SNTG2: variants seen among roughly 807,000 people sequenced by gnomAD.
SNTG2 encodes syntrophin gamma 2.
Under a neutral mutation model 70.9 loss-of-function variants are expected in SNTG2, and 74 were observed. The ratio of observed to expected loss-of-function variants is 1.04; its 90% confidence interval spans 0.86 to 1.27. The LOEUF is 1.27. SNTG2 is among the 50% of genes most tolerant of loss of function. The pLI is 0.00. For synonymous variants in SNTG2, 278 were observed against 273.8 expected, an observed-to-expected ratio of 1.02 and a Z score of -0.15; for missense variants, 717 against 690.7, an observed-to-expected ratio of 1.04 and a Z score of -0.43.
intron 1 of SNTG2, among the ~76,000 whole-genome samples, chr2:1,056,331 G>A (rs1368122598): frequency 1.1e-5 from 1 of 87,228 alleles, no homozygotes; most frequent in Non-Finnish European, 2.5e-5. Context: ...CGTGCTGTGG[G>A]GAGGGAGGGA....
At chr2:1,023,121 T>A (rs1293778741) in intron 1 of SNTG2, among the ~76,000 whole-genome samples, 1 of 151,868 alleles carries the variant, frequency 6.6e-6, no homozygotes, top group Non-Finnish European at 1.5e-5. Flanking sequence ...TTTAACCCAC[T>A]ATCAGTAGAT....
At chr2:1,257,196 C>T (rs905623297) in intron 12 of SNTG2, among the ~76,000 whole-genome samples, 1 of 152,254 alleles carries the variant, frequency 6.6e-6, no homozygotes, top group East Asian at 1.9e-4. Flanking sequence ...GCATTTTCTT[C>T]AAGTCCACAA....
At chr2:980,070 C>T (rs1159983082) in intron 1 of SNTG2, among the ~76,000 whole-genome samples, 1 of 152,098 alleles carries the variant, frequency 6.6e-6, no homozygotes, top group East Asian at 1.9e-4. Flanking sequence ...CAGAGAGTAT[C>T]TATGACTTCC....
intron 14 of SNTG2, among the ~76,000 whole-genome samples, chr2:1,285,478 G>A (rs1679728420): frequency 6.6e-6 from 1 of 152,074 alleles, no homozygotes; most frequent in Admixed American, 6.5e-5. Context: ...TCCTTGGTAG[G>A]ACTGGAAACG....
intron 16 of SNTG2, among the ~76,000 whole-genome samples, chr2:1,318,076 A>G (rs1054273907): frequency 6.6e-6 from 1 of 152,200 alleles, no homozygotes; most frequent in Non-Finnish European, 1.5e-5. Context: ...AAGACCTTAG[A>G]CCTTTTAAAT....
chr2:1,199,933 A>T (rs1673173629), intron 8 of SNTG2, among the ~76,000 whole-genome samples: 1 of 152,086 alleles, frequency 6.6e-6, no homozygotes, highest in Non-Finnish European at 1.5e-5. Flanking sequence ...AAAAATGACC[A>T]TATTTCCTAA....
intron 8 of SNTG2, among the ~76,000 whole-genome samples, chr2:1,178,727 G>A (rs1671651584): frequency 6.6e-6 from 1 of 151,732 alleles, no homozygotes; most frequent in Admixed American, 6.6e-5. Context: ...GAGGATTTTT[G>A]CATCAATGTT....
At chr2:1,268,037 G>A (rs776886666) in intron 14 of SNTG2, among the ~76,000 whole-genome samples, 72 of 152,232 alleles carry the variant, frequency 4.7e-4, no homozygotes, top group Non-Finnish European at 6.8e-4. Context: ...AAAACAGCTT[G>A]TGTGTCTGAA....
chr2:1,072,523 G>GA (rs984273381), intron 1 of SNTG2, among the ~76,000 whole-genome samples: 15 of 150,628 alleles, frequency 1.0e-4, no homozygotes, highest in African/African-American at 2.9e-4. Flanking sequence ...GAGACAAAAA[G>GA]AAAAAAAAGA....
At chr2:1,019,647 A>G (rs1187459431) in intron 1 of SNTG2, among the ~76,000 whole-genome samples, 1 of 152,220 alleles carries the variant, frequency 6.6e-6, no homozygotes, top group Non-Finnish European at 1.5e-5. Context: ...ACATTCTCTA[A>G]GTTAATGATA....
At chr2:1,284,049 G>C (rs188647699) in intron 14 of SNTG2, among the ~76,000 whole-genome samples, 141 of 152,270 alleles carry the variant, frequency 9.3e-4, no homozygotes, top group African/African-American at 3.2e-3. Context: ...CCTGAGTATT[G>C]CTCTTGGTGC....
At chr2:1,143,534 G>A (rs1265505144) in intron 6 of SNTG2, among the ~76,000 whole-genome samples, 1 of 151,814 alleles carries the variant, frequency 6.6e-6, no homozygotes, top group African/African-American at 2.4e-5. Context: ...TTACCAAGTT[G>A]GGATTGCTGG....
chr2:1,008,195 C>T (rs1659627272), intron 1 of SNTG2, among the ~76,000 whole-genome samples: 1 of 152,146 alleles, frequency 6.6e-6, no homozygotes, highest in Non-Finnish European at 1.5e-5. Context: ...TGTTCTATAT[C>T]TTTCTCTGAA....
chr2:1,183,047 A>T (rs984281242), intron 8 of SNTG2, among the ~76,000 whole-genome samples: 1 of 152,164 alleles, frequency 6.6e-6, no homozygotes, highest in Non-Finnish European at 1.5e-5. Flanking sequence ...GAGCCATGGC[A>T]CCTGACCTAA....
intron 8 of SNTG2, among the ~76,000 whole-genome samples, chr2:1,188,709 T>C (rs946669507): frequency 3.3e-5 from 5 of 152,182 alleles, no homozygotes; most frequent in Admixed American, 3.3e-4. Context: ...CAGTGAAAAC[T>C]TAATCTACTG....
intron 8 of SNTG2, among the ~76,000 whole-genome samples, chr2:1,175,139 T>G (rs979531533): frequency 2.6e-5 from 4 of 152,222 alleles, no homozygotes; most frequent in African/African-American, 9.6e-5. Context: ...TGAGATCTGC[T>G]TTTATTAAAG....
chr2:1,041,352 T>C (rs1661424358), intron 1 of SNTG2, among the ~76,000 whole-genome samples: 1 of 152,228 alleles, frequency 6.6e-6, no homozygotes, highest in Admixed American at 6.5e-5. Flanking sequence ...CTTTAACATG[T>C]CTAGACTTAA....
At chr2:1,053,776 T>C (rs1297775222) in intron 1 of SNTG2, among the ~76,000 whole-genome samples, 2 of 152,158 alleles carry the variant, frequency 1.3e-5, no homozygotes, top group Non-Finnish European at 2.9e-5. Flanking sequence ...TTGATTCTGA[T>C]TACTTTAACC....
chr2:1,126,042 A>G (rs961467374), intron 4 of SNTG2, among the ~76,000 whole-genome samples: 3 of 152,198 alleles, frequency 2.0e-5, no homozygotes, highest in African/African-American at 7.2e-5. Flanking sequence ...TAAACAATAT[A>G]TTATTGCTAA....
Sources: allele counts gnomAD v4.1 joint callset (sites outside exome capture counted in the v4.1 genomes callset), GRCh38; gene constraint gnomAD v4.1.1; transcripts MANE v1.5; gene names NCBI Gene and HGNC (gene_info 2026-07-23, HGNC 2026-07-21).